Variants in SPTBN4 observed in about 807,000 individuals in gnomAD.
SPTBN4 encodes the protein spectrin beta, non-erythrocytic 4.
Under a neutral mutation model 277.8 loss-of-function variants are expected in SPTBN4, and 96 were observed. The ratio of observed to expected loss-of-function variants is 0.35; its 90% CI spans 0.29 to 0.41. The LOEUF (loss-of-function observed/expected upper bound fraction) is 0.41, where lower values mean the gene tolerates loss of function less well. Ranked by LOEUF, SPTBN4 falls within the 10% of genes least tolerant of loss-of-function variation. SPTBN4 has a pLI of 1.00. For synonymous variants in SPTBN4, 1,481 were observed against 1,580.3 expected, an observed-to-expected ratio of 0.94 and a Z score of 1.49; for missense variants, 3,006 against 3,595.7, an observed-to-expected ratio of 0.84 and a Z score of 4.19.
At chr19:40,499,195 ATT>A (rs59982692) in intron 7 of SPTBN4, among the ~76,000 whole-genome samples, 6 of 138,976 alleles carry the variant, frequency 4.3e-5, no homozygotes, top group African/African-American at 5.4e-5. Context: ...AGCCTGGCTA[ATT>A]TTTTTTTTTT....
chr19:40,467,670 G>A (rs1478096140), intron 1 of SPTBN4, among the ~76,000 whole-genome samples: 1 of 149,090 alleles, frequency 6.7e-6, no homozygotes, highest in African/African-American at 2.5e-5. Context: ...ACCCCTTCCC[G>A]GCTTCCCTAT....
chr19:40,555,499 AAAAAAAAAAGAAAAG>A (rs1277946657), intron 24 of SPTBN4, among the ~76,000 whole-genome samples: 2 of 151,062 alleles, frequency 1.3e-5, no homozygotes, highest in African/African-American at 4.9e-5. Context: ...CAAAAAAAAA[AAAAAAAAAAGAAAAG>A]AAAAAAAAAG....
chr19:40,568,076 G>A lies in SPTBN4; in HGVS notation c.6750G>A (p.Glu2250=), dbSNP rs762369946. 1 of 1,562,450 alleles carries A rather than the reference G, an allele frequency of 6.4e-7. No homozygotes were observed. Among genetic ancestry groups the A allele is most frequent in the Admixed American group, 1.9e-5 (1 of 51,910 alleles). Residue 2250 remains glutamate, a synonymous_variant, in exon 31 of 36, where the codon GAG becomes GAA. Transcript: ENST00000598249. ...AGCTGCCCAGGAGGCGGCGGCCTGA[G>A]CGGCAAGAGTCAGTCGATCAATCCG... ...AEELPRRRRP[E]RQESVDQSEE...
Position 40,554,334 on chromosome 19 carries a change from T to C in SPTBN4, c.4862T>C (p.Phe1621Ser). Residue 1621 changes from phenylalanine to serine, a missense_variant, in exon 23 of 36, where the codon TTC becomes TCC. Physicochemically the swap from Phe to Ser is radical, Grantham distance 155. Transcript: ENST00000598249. The surrounding 1 kb of genome is among the most constrained non-coding windows in gnomAD (Gnocchi z 5.7). ...CGGCAGCAGGTGCTGGACGCCGCCT[T>C]CCAGGTGGAGCAGTACTACTTCGAC... ...ERRQQVLDAA[F>S]QVEQYYFDVA... The C allele has an allele frequency of 1.3e-6, 2 of 1,565,182 alleles. No homozygotes were observed. The highest frequency in any genetic ancestry group is 1.7e-6 in the Non-Finnish European group (2 of 1,161,976).
Position 40,490,005 on chromosome 19 carries a change from C to T in SPTBN4, c.322-70C>T, listed in dbSNP as rs556371012. ...CACGGGAGGCGGGCTTCTTTGGAAG[C>T]TGCGGGGCCGAGGGCGCCATACTCC... On this transcript the variant is annotated intron_variant, in intron 3 of 35. Transcript: ENST00000598249. The surrounding 1 kb of genome is among the most constrained non-coding windows in gnomAD (Gnocchi z 4.3). 6.9e-7 allele frequency: 1 copy of T among 1,454,390 alleles called. No individual in the cohort carries two copies. The highest frequency in any genetic ancestry group is 9.1e-7 in the Non-Finnish European group (1 of 1,096,854). 90.1% of individuals were successfully genotyped at this position (1,454,390 alleles called of 1,614,324 possible). A position where few individuals can be genotyped will look rare whatever the true frequency, so the allele number is the denominator to read the frequency against.
At position 40,566,272 on chromosome 19, in the gene SPTBN4, G is replaced by T; in HGVS notation, c.6249G>T (p.Val2083=). ...SRELGSSVDE[V]EQLIRRHEAF... The stretch of plus-strand genomic sequence containing the variant: ...AGCTGGGCAGCAGCGTGGATGAGGT[G>T]GAGCAGCTTATCCGGCGACATGAGG... The change falls in exon 30 of 36, where the codon GTG becomes GTT. Residue 2083 remains valine (V), a synonymous_variant. Transcript: ENST00000598249. 6.3e-7 allele frequency: 1 copy of T among 1,585,670 alleles called. No individual in the cohort carries two copies. Among genetic ancestry groups the T allele is most frequent in the Non-Finnish European group, 8.6e-7 (1 of 1,166,006 alleles).
intron 1 of SPTBN4, among the ~76,000 whole-genome samples, chr19:40,470,725 T>TA (rs1352364451): frequency 6.6e-6 from 1 of 150,814 alleles, no homozygotes; most frequent in Non-Finnish European, 1.5e-5. Context: ...CTGCGCCTCC[T>TA]GGGTTCAAAC....
intron 2 of SPTBN4, 87 bp from the exon 3 acceptor site, chr19:40,487,610 A>G: frequency 2.7e-6 from 4 of 1,489,578 alleles, no homozygotes; most frequent in Non-Finnish European, 3.6e-6. Flanking sequence ...GGACTCTTGC[A>G]GAGAGCTGGG....
At chr19:40,503,558 T>G in intron 11 of SPTBN4, among the ~76,000 whole-genome samples, 1 of 109,700 alleles carries the variant, frequency 9.1e-6, no homozygotes, top group Admixed American at 1.1e-4. Flanking sequence ...CTGTGGAAGA[T>G]GGGCTGGTCT....
chr19:40,506,533 G>C, intron 13 of SPTBN4, 147 bp downstream of exon 13: 1 of 1,279,296 alleles, frequency 7.8e-7, no homozygotes, highest in Non-Finnish European at 1.0e-6. Context: ...CATTCCACTG[G>C]GGAAGTCATA....
rs113556484 is a variant in SPTBN4 at position 40,538,537 on chromosome 19, G to A, written c.4359+4194G>A. Reference sequence around the variant, plus strand: ...GGGCTGGCTTCATGGGTGTTTGCCCGTGCAGTGACACAGGGCTCCATGCTT... The same window carrying A: ...GGGCTGGCTTCATGGGTGTTTGCCCATGCAGTGACACAGGGCTCCATGCTT... On this transcript the variant is annotated intron_variant, in intron 20 of 35. Transcript: ENST00000598249. Among the ~76,000 whole-genome samples, 532 of 152,292 alleles carry A rather than the reference G, an allele frequency of 3.5e-3. 5 individuals carry two copies. The highest frequency in any genetic ancestry group is 0.012 in the African/African-American group (507 of 41,558).
At chr19:40,544,696 G>T (rs577375697) in intron 20 of SPTBN4, among the ~76,000 whole-genome samples, 1 of 152,100 alleles carries the variant, frequency 6.6e-6, no homozygotes, top group South Asian at 2.1e-4. Context: ...TGATCCACGC[G>T]CCTTGGCCTC....
chr19:40,534,227 C>G lies in SPTBN4; in HGVS notation c.4243C>G (p.Leu1415Val). ...QLFEASKADQ[L>V]VQSFAELDKK... ...CTTTGAGGCCAGCAAAGCAGACCAGCTGGTGCAGAGCTTTGCTGAGCTGGA... is the reference window on the plus strand; with the variant it reads ...CTTTGAGGCCAGCAAAGCAGACCAGGTGGTGCAGAGCTTTGCTGAGCTGGA... Residue 1415 changes from leucine (L) to valine (V), a missense_variant, in exon 20 of 36, where the codon CTG becomes GTG. Physicochemically the swap from Leu to Val is conservative, Grantham distance 32. This residue lies in a region of SPTBN4 where 1,759 missense variants were observed against 2,061.5 expected (regional missense o/e 0.85). Coordinates refer to ENST00000598249, the MANE Select transcript of SPTBN4 (RefSeq NM_020971.3). 1 of 1,614,108 alleles carries G rather than the reference C, an allele frequency of 6.2e-7. No homozygotes were observed. Among genetic ancestry groups the G allele is most frequent in the Non-Finnish European group, 8.5e-7 (1 of 1,179,964 alleles).
chr19:40,495,691 A>G (rs1372380271), intron 6 of SPTBN4, among the ~76,000 whole-genome samples: 1 of 151,608 alleles, frequency 6.6e-6, no homozygotes, highest in Non-Finnish European at 1.5e-5. Context: ...AAAAGAAAAC[A>G]CTTCCTCAAA....
chr19:40,511,756 A>G (rs1465924471), intron 13 of SPTBN4, among the ~76,000 whole-genome samples: 1 of 152,168 alleles, frequency 6.6e-6, no homozygotes, highest in Non-Finnish European at 1.5e-5. Flanking sequence ...AAGAAAAAGG[A>G]GTGCAGATAA....
In SPTBN4 at chr19:40,566,059, G is replaced by A. The variant is rs892862962; in HGVS notation, c.6140-104G>A. 13 of 1,237,318 alleles carry A rather than the reference G, an allele frequency of 1.1e-5. No individual in the cohort carries two copies. The African/African-American group carries it at 1.2e-4, about 12-fold the overall frequency. 76.6% of individuals were successfully genotyped at this position (1,237,318 alleles called of 1,614,324 possible). ...GCAGAGCCCAGGATGGTCAGGGCTC[G>A]GGTATGGAAAGCCGGAGGGGTGTGG... On this transcript the variant is annotated intron_variant, in intron 29 of 35. Transcript: ENST00000598249.
intron 27 of SPTBN4, among the ~76,000 whole-genome samples, chr19:40,561,515 ATTAC>A (rs1021065497): frequency 1.3e-5 from 2 of 152,266 alleles, no homozygotes; most frequent in African/African-American, 4.8e-5. Flanking sequence ...CATAGCACTT[ATTAC>A]TTTCTGAAAT....
chr19:40,502,220 C>T lies in SPTBN4; in HGVS notation c.990C>T (p.Gly330=). The change falls in exon 9 of 36, where the codon GGC becomes GGT. Residue 330 remains glycine, a synonymous_variant. Coordinates refer to ENST00000598249, the MANE Select transcript of SPTBN4 (RefSeq NM_020971.3). The surrounding 1 kb of genome is among the most constrained non-coding windows in gnomAD (Gnocchi z 4.9). ...ELLAWIHRTV[G]LISNQKFANS... ...TGGCCTGGATCCACCGCACCGTGGG[C>T]CTCATCAGCAATCAGAAATTTGCCA... The T allele has an allele frequency of 1.2e-6, 2 of 1,614,018 alleles. No individual in the cohort carries two copies. Among genetic ancestry groups the T allele is most frequent in the Non-Finnish European group, 1.7e-6 (2 of 1,180,032 alleles).
At chr19:40,539,668 C>T (rs11670896) in intron 20 of SPTBN4, among the ~76,000 whole-genome samples, 13,919 of 151,178 alleles carry the variant, frequency 0.092, 755 homozygotes, top group Middle Eastern at 0.14. Flanking sequence ...TTAGTAGAGA[C>T]GGGGTTTCAC....
Sources: allele counts gnomAD v4.1 joint callset (sites outside exome capture counted in the v4.1 genomes callset), GRCh38; gene constraint gnomAD v4.1.1; regional missense constraint gnomAD v4.1.1; non-coding constraint Gnocchi (gnomAD v3.1); transcripts MANE v1.5; gene names NCBI Gene and HGNC (gene_info 2026-07-23, HGNC 2026-07-21).